Variants in SNX30 observed in about 807,000 individuals in gnomAD.
SNX30 encodes sorting nexin family member 30.
A neutral mutation model predicts 46.4 loss-of-function variants in SNX30; 24 were observed. That is an observed-to-expected ratio of 0.52 (90% CI 0.37 to 0.73). The LOEUF (loss-of-function observed/expected upper bound fraction) is 0.73. Among genes scored for constraint, SNX30 ranks in the 30% least tolerant of loss-of-function variants. SNX30 has a pLI of 0.00. For synonymous variants in SNX30, 189 were observed against 211.5 expected (o/e 0.89, Z 0.92); for missense variants, 533 against 555.7 (o/e 0.96, Z 0.41).
intron 7 of SNX30, among the ~76,000 whole-genome samples, chr9:112,862,481 G>A (rs1209553550): frequency 6.6e-6 from 1 of 152,132 alleles, no homozygotes; most frequent in African/African-American, 2.4e-5. Context: ...GCTGATTCCT[G>A]GAGTGACTCT....
intron 7 of SNX30, among the ~76,000 whole-genome samples, chr9:112,858,999 T>C (rs761214395): frequency 6.6e-6 from 1 of 152,242 alleles, no homozygotes; most frequent in Non-Finnish European, 1.5e-5. Context: ...CTTAGTCGTG[T>C]TAAGCACATT....
chr9:112,848,110 T>C (rs1840967096), intron 6 of SNX30, among the ~76,000 whole-genome samples: 1 of 152,226 alleles, frequency 6.6e-6, no homozygotes, highest in South Asian at 2.1e-4. Context: ...AAAGTCTCAC[T>C]GTGCCCTTCG....
At chr9:112,807,727 A>C (rs561489299) in intron 2 of SNX30, among the ~76,000 whole-genome samples, 1 of 152,228 alleles carries the variant, frequency 6.6e-6, no homozygotes, top group Non-Finnish European at 1.5e-5. Context: ...TTCTGCCCCA[A>C]AATGCAAATA....
chr9:112,793,344 G>A (rs771055372), intron 1 of SNX30, among the ~76,000 whole-genome samples: 51 of 152,172 alleles, frequency 3.4e-4, no homozygotes, highest in Non-Finnish European at 6.5e-4. Context: ...ATGCCTTCAT[G>A]TTCCTATGAG....
At chr9:112,751,527 C>G (rs1162706054) in intron 1 of SNX30, among the ~76,000 whole-genome samples, 1 of 152,222 alleles carries the variant, frequency 6.6e-6, no homozygotes, top group Non-Finnish European at 1.5e-5. Context: ...TAACTTGTAG[C>G]TCCTCCAGTT....
At chr9:112,847,121 T>G (rs1840950185) in intron 6 of SNX30, among the ~76,000 whole-genome samples, 1 of 152,240 alleles carries the variant, frequency 6.6e-6, no homozygotes, top group South Asian at 2.1e-4. Context: ...ATAGACCTCT[T>G]AATGACTGTT....
chr9:112,775,672 C>T (rs1428104325), intron 1 of SNX30, among the ~76,000 whole-genome samples: 1 of 151,718 alleles, frequency 6.6e-6, no homozygotes, highest in Non-Finnish European at 1.5e-5. Context: ...CTAGCATCCC[C>T]TTTCCCTGTC....
At chr9:112,815,970 G>A (rs62576410) in intron 2 of SNX30, among the ~76,000 whole-genome samples, 10,353 of 152,236 alleles carry the variant, frequency 0.068, 452 homozygotes, top group Non-Finnish European at 0.099. Context: ...CAGCCTCTGA[G>A]TAGTAGGGAC....
At chr9:112,884,905 C>T (rs756824558), downstream of SNX30, among the ~76,000 whole-genome samples, 1 of 152,204 alleles carries the variant, frequency 6.6e-6, no homozygotes, top group Non-Finnish European at 1.5e-5. Flanking sequence ...CGGGCAAAAA[C>T]TACTCATCCT....
Position 112,874,619 on chromosome 9 carries a change from A to T in SNX30, c.*5776A>T, listed in dbSNP as rs544541043. On this transcript the variant is annotated 3_prime_UTR_variant, in exon 9 of 9. Coordinates refer to ENST00000374232, the MANE Select transcript of SNX30 (RefSeq NM_001012994.2). ...ATTATGCCAAAACAAAAGCTGTGAT[A>T]AAAAAAGTGCTTGAGAGAGTGTGTT... 2 of 152,286 alleles carry T rather than the reference A, an allele frequency of 1.3e-5. No homozygotes were observed. The highest frequency in any genetic ancestry group is 3.9e-4 in the East Asian group (2 of 5,188). The allele number at this position is 152,286 out of a possible 1,614,324, so 9.4% of individuals were successfully genotyped here. A position where few individuals can be genotyped will look rare whatever the true frequency, so the allele number is the denominator to read the frequency against.
chr9:112,837,420 G>A lies in SNX30; in HGVS notation c.814+1011G>A, dbSNP rs10981518. Among the ~76,000 whole-genome samples, 323 of 151,976 alleles carry A rather than the reference G, an allele frequency of 2.1e-3. 1 individual carries two copies. Among genetic ancestry groups the A allele is most frequent in the South Asian group, 8.8e-3 (42 of 4,800 alleles). ...AAGACCACATCTCTTGTATCAAAATGTTTCCTAAAATTCCATTGTTTATCC... is the reference window on the plus strand; with the variant it reads ...AAGACCACATCTCTTGTATCAAAATATTTCCTAAAATTCCATTGTTTATCC... On this transcript the variant is annotated intron_variant, in intron 5 of 8. Coordinates refer to ENST00000374232, the MANE Select transcript of SNX30 (RefSeq NM_001012994.2).
At chr9:112,842,745 A>AG (rs1360450743) in intron 6 of SNX30, among the ~76,000 whole-genome samples, 1 of 152,202 alleles carries the variant, frequency 6.6e-6, no homozygotes, top group Non-Finnish European at 1.5e-5. Context: ...AATTGTGGCT[A>AG]GGTATGTTCT....
chr9:112,757,459 T>C (rs1839368993), intron 1 of SNX30, among the ~76,000 whole-genome samples: 1 of 152,220 alleles, frequency 6.6e-6, no homozygotes, highest in Admixed American at 6.5e-5. Flanking sequence ...CTGCAGTGAA[T>C]GTGGGAGTGC....
intron 1 of SNX30, among the ~76,000 whole-genome samples, chr9:112,753,498 C>G (rs1339519526): frequency 6.6e-6 from 1 of 152,194 alleles, no homozygotes; most frequent in Non-Finnish European, 1.5e-5. Flanking sequence ...ATTCTCGTGT[C>G]TCAGCTCCCG....
At chr9:112,834,442 T>G (rs1423001912) in intron 4 of SNX30, among the ~76,000 whole-genome samples, 1 of 152,116 alleles carries the variant, frequency 6.6e-6, no homozygotes, top group Non-Finnish European at 1.5e-5. Flanking sequence ...CATTTACCAG[T>G]TTATTATAAA....
intron 8 of SNX30, among the ~76,000 whole-genome samples, chr9:112,867,030 CCCACCTCCTCAGAATTCTT>C (rs1841364131): frequency 1.3e-4 from 2 of 15,454 alleles, no homozygotes; most frequent in Admixed American, 7.3e-4. Flanking sequence ...CAGAATTCCT[CCCACCTCCTCAGAATTCTT>C]TCTCCCTCCT....
chr9:112,805,068 C>G (rs1840204152), intron 2 of SNX30, 101 bp downstream of exon 2: 1 of 774,702 alleles, frequency 1.3e-6, no homozygotes, highest in Non-Finnish European at 2.0e-6. Context: ...TTGTACAACT[C>G]TGTTCACCTT....
chr9:112,796,709 G>A (rs1160156329), intron 1 of SNX30, among the ~76,000 whole-genome samples: 1 of 152,158 alleles, frequency 6.6e-6, no homozygotes, highest in Non-Finnish European at 1.5e-5. Context: ...TCTGTGGTCA[G>A]CAGAAATGGG....
intron 6 of SNX30, among the ~76,000 whole-genome samples, chr9:112,850,378 A>G (rs1324277802): frequency 1.3e-5 from 2 of 152,246 alleles, no homozygotes; most frequent in African/African-American, 4.8e-5. Context: ...GTAAGTGGCT[A>G]ATGAATGAAT....
Sources: gnomAD v4.1 joint callset for allele counts (sites outside exome capture counted in the v4.1 genomes callset) on GRCh38, gnomAD v4.1.1 for gene constraint, MANE v1.5 for transcripts, NCBI Gene and HGNC (gene_info 2026-07-23, HGNC 2026-07-21) for gene names.